Variants in LMNTD1 observed in about 807,000 individuals in gnomAD.
The protein encoded by LMNTD1 is lamin tail domain-containing protein 1.
LMNTD1 carries 35 observed loss-of-function variants against 50.9 expected under a neutral mutation model. The observed-to-expected ratio is 0.69, with a 90% CI of 0.53 to 0.91. The LOEUF (loss-of-function observed/expected upper bound fraction) is 0.91. LMNTD1 is among the 40% of genes least tolerant of loss of function. The pLI, the probability that LMNTD1 is intolerant of heterozygous loss-of-function variation, is 0.00. For missense variants in LMNTD1, 470 were observed against 475.5 expected (o/e 0.99, Z 0.11); for synonymous variants, 153 against 161.9 (o/e 0.94, Z 0.42).
At chr12:25,515,939 TG>T (rs61387507) in intron 8 of LMNTD1, among the ~76,000 whole-genome samples, 112,416 of 151,876 alleles carry the variant, frequency 0.74, 42,540 homozygotes, top group East Asian at 0.88. Flanking sequence ...TTGTTTTGTC[TG>T]GTTTTTTTTC....
intron 9 of LMNTD1, among the ~76,000 whole-genome samples, chr12:25,500,612 G>A (rs1329106891): frequency 6.6e-6 from 1 of 152,142 alleles, no homozygotes; most frequent in Non-Finnish European, 1.5e-5. Context: ...GACAGTTCTG[G>A]TGATCTGTAA....
chr12:25,605,295 G>T (rs1946071659), intron 1 of LMNTD1, among the ~76,000 whole-genome samples: 1 of 152,124 alleles, frequency 6.6e-6, no homozygotes. Flanking sequence ...GTTGTAGGTT[G>T]CCTGTTCACT....
At chr12:25,567,550 G>T (rs1408761164) in intron 1 of LMNTD1, among the ~76,000 whole-genome samples, 1 of 152,068 alleles carries the variant, frequency 6.6e-6, no homozygotes, top group South Asian at 2.1e-4. Context: ...TGGATGAGGG[G>T]CCTAGTGGGA....
At chr12:25,644,231 T>A (rs1049143039) in intron 1 of LMNTD1, among the ~76,000 whole-genome samples, 1 of 143,784 alleles carries the variant, frequency 7.0e-6, no homozygotes, top group Admixed American at 7.9e-5. Context: ...ATCCCAGGAC[T>A]TTGGGAGGTC....
intron 9 of LMNTD1, among the ~76,000 whole-genome samples, chr12:25,499,001 A>C (rs1565942398): frequency 6.6e-6 from 1 of 152,184 alleles, no homozygotes; most frequent in African/African-American, 2.4e-5. Flanking sequence ...TATTAACCTT[A>C]AATTAAGACC....
At chr12:25,615,936 C>T (rs1448686159) in intron 1 of LMNTD1, among the ~76,000 whole-genome samples, 2 of 152,096 alleles carry the variant, frequency 1.3e-5, no homozygotes, top group Non-Finnish European at 2.9e-5. Context: ...GATCATTATT[C>T]ACTCATGTAT....
At chr12:25,635,373 A>G (rs1004450275) in intron 1 of LMNTD1, among the ~76,000 whole-genome samples, 4 of 152,214 alleles carry the variant, frequency 2.6e-5, no homozygotes, top group African/African-American at 9.6e-5. Context: ...CTAAGAATTC[A>G]ACCCCTTTTA....
chr12:25,612,323 C>CAT (rs1946265259), intron 1 of LMNTD1, among the ~76,000 whole-genome samples: 5 of 123,418 alleles, frequency 4.1e-5, no homozygotes, highest in Non-Finnish European at 5.4e-5. Context: ...CACACACACA[C>CAT]ACACACGCGC....
At chr12:25,562,806 C>T (rs1188836798) in intron 1 of LMNTD1, among the ~76,000 whole-genome samples, 3 of 152,186 alleles carry the variant, frequency 2.0e-5, no homozygotes, top group Non-Finnish European at 4.4e-5. Context: ...TTCACATAGT[C>T]CCATATTTCT....
intron 8 of LMNTD1, among the ~76,000 whole-genome samples, chr12:25,515,661 G>A (rs1940703379): frequency 6.6e-6 from 1 of 152,166 alleles, no homozygotes; most frequent in East Asian, 1.9e-4. Context: ...TATACTTGCT[G>A]TATTTTAACA....
intron 9 of LMNTD1, among the ~76,000 whole-genome samples, chr12:25,490,622 C>T (rs1158698686): frequency 1.3e-5 from 2 of 152,218 alleles, no homozygotes; most frequent in Admixed American, 6.5e-5. Flanking sequence ...GAACTAAAGC[C>T]TTCCCTTTAT....
intron 9 of LMNTD1, among the ~76,000 whole-genome samples, chr12:25,482,852 G>A (rs977231619): frequency 6.6e-6 from 1 of 151,898 alleles, no homozygotes; most frequent in Non-Finnish European, 1.5e-5. Context: ...AGCATTCTGA[G>A]GCCCAGAAAG....
intron 4 of LMNTD1, among the ~76,000 whole-genome samples, chr12:25,530,562 A>C (rs279014): frequency 1.3e-5 from 2 of 151,976 alleles, no homozygotes; most frequent in Admixed American, 1.3e-4. Flanking sequence ...TCAAACAGCC[A>C]GTTTCTGAAT....
intron 1 of LMNTD1, among the ~76,000 whole-genome samples, chr12:25,585,449 C>T (rs1488612713): frequency 6.6e-6 from 1 of 152,202 alleles, no homozygotes; most frequent in Non-Finnish European, 1.5e-5. Context: ...GTAGGTGGAA[C>T]ATTATGTACT....
intron 1 of LMNTD1, among the ~76,000 whole-genome samples, chr12:25,633,021 T>A: frequency 8.4e-6 from 1 of 118,640 alleles, no homozygotes; most frequent in Non-Finnish European, 1.8e-5. Flanking sequence ...GGAGTAGCAA[T>A]TCTTATATCA....
intron 1 of LMNTD1, among the ~76,000 whole-genome samples, chr12:25,601,117 A>G (rs1219901405): frequency 4.6e-5 from 7 of 152,138 alleles, no homozygotes; most frequent in South Asian, 2.1e-4. Flanking sequence ...CTACTCAGCC[A>G]TAAAAGGAAT....
At chr12:25,621,888 T>C (rs1220598885) in intron 1 of LMNTD1, among the ~76,000 whole-genome samples, 1 of 152,188 alleles carries the variant, frequency 6.6e-6, no homozygotes, top group East Asian at 1.9e-4. Context: ...CAACAGAGGG[T>C]TCTGGACAGA....
intron 1 of LMNTD1, among the ~76,000 whole-genome samples, chr12:25,642,994 C>T (rs1946985628): frequency 6.6e-6 from 1 of 152,140 alleles, no homozygotes; most frequent in Non-Finnish European, 1.5e-5. Flanking sequence ...TCAGTTAATG[C>T]AACGTTCCAA....
At chr12:25,565,708 T>C (rs1034279400) in intron 1 of LMNTD1, among the ~76,000 whole-genome samples, 6 of 152,218 alleles carry the variant, frequency 3.9e-5, no homozygotes, top group Admixed American at 2.0e-4. Context: ...ATGACTTCTT[T>C]TTGCTCATCA....
Sources: gnomAD v4.1 joint callset for allele counts (sites outside exome capture counted in the v4.1 genomes callset) on GRCh38, gnomAD v4.1.1 for gene constraint, MANE v1.5 for transcripts, NCBI Gene and HGNC (gene_info 2026-07-23, HGNC 2026-07-21) for gene names.